FANCF: variants seen among roughly 807,000 people sequenced by gnomAD.
FANCF encodes FA complementation group F, also known as Fanconi anemia group F protein.
For missense variants in FANCF, 552 were observed against 481.8 expected, an observed-to-expected ratio of 1.15 and a Z score of -1.36; for synonymous variants, 257 against 205.9, an observed-to-expected ratio of 1.25 and a Z score of -2.13.
rs778152023 is a variant in FANCF, at chr11:22,625,623, T to C, written c.188A>G (p.His63Arg). 3 of 1,613,534 alleles carry C rather than the reference T, an allele frequency of 1.9e-6. No individual in the cohort carries two copies. In the African/African-American group the frequency reaches 4.0e-5, roughly 21 times the overall value. The change falls in exon 1 of 1, where the codon CAC (histidine) becomes CGC (arginine). Residue 63 changes from histidine (H) to arginine (R), a missense_variant. Physicochemically the swap from His to Arg is conservative, Grantham distance 29. Transcript: ENST00000327470. ...GCCGCCCTCTTGCCTCCACTGGTTG[T>C]GCAGCCGCCGCTCCAGAGCCGTGCG... ...PIRTALERRL[H>R]NQWRQEGGFG... is the part of the protein sequence containing the mutation.
chr11:22,625,815 TGC>T lies in FANCF; in HGVS notation c.-7_-6del. On this transcript the variant is annotated 5_prime_UTR_variant, in exon 1 of 1. Transcript: ENST00000327470. ...GTGCTGCAGAAGGGATTCCATGAGG[TGC>T]GCGAAGGCCCTACTTCCGCTTTCAC... The T allele has an allele frequency of 1.2e-6, 2 of 1,613,870 alleles. No homozygotes were observed. The highest frequency in any genetic ancestry group is 1.7e-6 in the Non-Finnish European group (2 of 1,180,006).
Position 22,623,973 on chromosome 11 carries a change from AGAGCGAGAC to A in FANCF, c.*704_*712del. 4.6e-6 allele frequency: 1 copy of A among 217,612 alleles called. No homozygotes were observed. The highest frequency in any genetic ancestry group is 6.8e-5 in the East Asian group (1 of 14,756). 13.5% of individuals were successfully genotyped at this position (217,612 alleles called of 1,614,324 possible). On this transcript the variant is annotated 3_prime_UTR_variant, in exon 1 of 1. Coordinates refer to ENST00000327470, the MANE Select transcript of FANCF (RefSeq NM_022725.4). ...ACCACTGCACTCCAGTCTGGGTGAC[AGAGCGAGAC>A]TCCATCTCAAAAAAAAAAAAGTTTG...
Position 22,624,404 on chromosome 11 carries a change from C to A in FANCF, c.*282G>T, listed in dbSNP as rs1361588988. ...AGCTGCTTTTTCTTTAAACGGTACA[C>A]ATATTTTCAACATTCTTACAAATGG... On this transcript the variant is annotated 3_prime_UTR_variant, in exon 1 of 1. Coordinates refer to ENST00000327470, the MANE Select transcript of FANCF (RefSeq NM_022725.4). 5 of 479,690 alleles carry A rather than the reference C, an allele frequency of 1.0e-5. No individual in the cohort carries two copies. The highest frequency in any genetic ancestry group is 1.9e-5 in the Non-Finnish European group (5 of 265,196). The allele number at this position is 479,690 out of a possible 1,614,324, so 29.7% of individuals were successfully genotyped here. A position where few individuals can be genotyped will look rare whatever the true frequency, so the allele number is the denominator to read the frequency against.
rs996927219 is a variant in FANCF at position 22,625,145 on chromosome 11, C to A, written c.666G>T (p.Leu222Phe). The A allele has an allele frequency of 3.8e-5, 61 of 1,608,232 alleles. No individual in the cohort carries two copies. Among genetic ancestry groups the A allele is most frequent in the Non-Finnish European group, 4.8e-5 (56 of 1,176,524 alleles). ...PPLSRRPQEELEPGIHKSPGE... is the reference protein window; with the variant it reads ...PPLSRRPQEEFEPGIHKSPGE... The stretch of plus-strand genomic sequence containing the variant: ...CAGGTGATTTGTGGATGCCGGGTTC[C>A]AACTCTTCTTGGGGCCGACGAGACA... The change falls in exon 1 of 1, where the codon TTG becomes TTT. Residue 222 changes from leucine to phenylalanine, a missense_variant. Coordinates refer to ENST00000327470, the MANE Select transcript of FANCF (RefSeq NM_022725.4).
Position 22,624,729 on chromosome 11 carries a change from T to C in FANCF, c.1082A>G (p.Lys361Arg), listed in dbSNP as rs2133796173. 6.2e-7 allele frequency: 1 copy of C among 1,614,188 alleles called. No homozygotes were observed. The highest frequency in any genetic ancestry group is 1.1e-5 in the South Asian group (1 of 91,080). The change falls in exon 1 of 1, where the codon AAA becomes AGA. Residue 361 changes from lysine to arginine, a missense_variant. Lys to Arg is a conservative substitution (Grantham distance 26). Transcript: ENST00000327470. ...TGCGCTGAGACCCAAAACTTGTCTT[T>C]TCCTAAATGCACCACTACGAAGAGC... ...LLALRSGAFR[K>R]RQVLGLSAGL...
chr11:22,625,346 T>G lies in FANCF; in HGVS notation c.465A>C (p.Pro155=). The G allele has an allele frequency of 6.2e-7, 1 of 1,614,174 alleles. No individual in the cohort carries two copies. Among genetic ancestry groups the G allele is most frequent in the Non-Finnish European group, 8.5e-7 (1 of 1,180,034 alleles). The part of the protein sequence containing the change: ...MLRFNGYREN[P]NLQEDSLMKT... The stretch of plus-strand genomic sequence containing the variant: ...TCATCAGAGAGTCCTCCTGGAGATT[T>G]GGGTTCTCTCTATAGCCATTGAAGC... Residue 155 remains proline (P), a synonymous_variant, in exon 1 of 1, where the codon CCA becomes CCC. Transcript: ENST00000327470.
At position 22,625,407 on chromosome 11, in the gene FANCF, C is replaced by A. The variant is rs759515146; in HGVS notation, c.404G>T (p.Arg135Leu). 42 of 1,614,056 alleles carry A rather than the reference C, an allele frequency of 2.6e-5. No individual in the cohort carries two copies. In the South Asian group the frequency reaches 4.0e-4, roughly 15 times the overall value. ...CACCGCAGACCGCCGGCGGGCAAGG[C>A]GGGCCAGGCTCTCTTGGAGTGTCTC... ...DEETLQESLA[R>L]LARRRSAVHM... is the part of the protein sequence containing the mutation. Residue 135 changes from arginine to leucine, a missense_variant, in exon 1 of 1, where the codon CGC becomes CTC. Arg to Leu is a moderately radical substitution (Grantham distance 102, BLOSUM62 -2). Coordinates refer to ENST00000327470, the MANE Select transcript of FANCF (RefSeq NM_022725.4).
At position 22,623,111 on chromosome 11, in the gene FANCF, C is replaced by A. The variant is rs1858581772; in HGVS notation, c.*1575G>T. ...TTGCATTAATGATAAATGTAATCTACAAGATGGCCTTCATGGATTAGAAAA... is the reference window on the plus strand; with the variant it reads ...TTGCATTAATGATAAATGTAATCTAAAAGATGGCCTTCATGGATTAGAAAA... On this transcript the variant is annotated 3_prime_UTR_variant, in exon 1 of 1. Coordinates refer to ENST00000327470, the MANE Select transcript of FANCF (RefSeq NM_022725.4). The A allele has an allele frequency of 4.8e-6, 1 of 209,712 alleles. No individual in the cohort carries two copies. Among genetic ancestry groups the A allele is most frequent in the Admixed American group, 5.9e-5 (1 of 16,912 alleles). The allele number at this position is 209,712 out of a possible 1,614,324, so 13.0% of individuals were successfully genotyped here.
chr11:22,625,436 A>G lies in FANCF; in HGVS notation c.375T>C (p.Asp125=), dbSNP rs1214293744. 4 of 1,613,942 alleles carry G rather than the reference A, an allele frequency of 2.5e-6. No homozygotes were observed. In the Admixed American group the frequency reaches 5.0e-5, roughly 20 times the overall value. Residue 125 remains aspartate, a synonymous_variant, in exon 1 of 1, where the codon GAT becomes GAC. Coordinates refer to ENST00000327470, the MANE Select transcript of FANCF (RefSeq NM_022725.4). ...LFPGPGVRDA[D]EETLQESLAR... ...CCAGGCTCTCTTGGAGTGTCTCCTC[A>G]TCGGCGTCCCGGACGCCCGGGCCGG...
chr11:22,625,061 G>T lies in FANCF; in HGVS notation c.750C>A (p.Ala250=), dbSNP rs966794897. Residue 250 remains alanine (A), a synonymous_variant, in exon 1 of 1, where the codon GCC becomes GCA. Transcript: ENST00000327470. ...GCCCGGCTGGGAGGGCGCGACAAAA[G>T]GCAGCAAAGACTTCCGAATTCCCCA... The part of the protein sequence containing the change: ...WLLGNSEVFA[A]FCRALPAGLL... 3 of 1,614,122 alleles carry T rather than the reference G, an allele frequency of 1.9e-6. No individual in the cohort carries two copies. Among genetic ancestry groups the T allele is most frequent in the Non-Finnish European group, 2.5e-6 (3 of 1,180,002 alleles).
At position 22,625,556 on chromosome 11, in the gene FANCF, G is replaced by C; in HGVS notation, c.255C>G (p.Ala85=). The C allele has an allele frequency of 6.2e-7, 1 of 1,614,104 alleles. No individual in the cohort carries two copies. The highest frequency in any genetic ancestry group is 2.2e-5 in the East Asian group (1 of 44,876). Residue 85 remains alanine, a synonymous_variant, in exon 1 of 1, where the codon GCC becomes GCG. Coordinates refer to ENST00000327470, the MANE Select transcript of FANCF (RefSeq NM_022725.4). ...GPVPGLANFQ[A]LGHCDVLLSL... ...AGAGCAGGACGTCACAGTGACCGAGGGCCTGGAAGTTCGCTAATCCCGGAA... is the reference window on the plus strand; with the variant it reads ...AGAGCAGGACGTCACAGTGACCGAGCGCCTGGAAGTTCGCTAATCCCGGAA...
Position 22,624,613 on chromosome 11 carries a change from T to C in FANCF, c.*73A>G, listed in dbSNP as rs1357275502. The C allele has an allele frequency of 1.5e-6, 2 of 1,317,920 alleles. No individual in the cohort carries two copies. The highest frequency in any genetic ancestry group is 2.3e-5 in the East Asian group (1 of 42,928). 81.6% of individuals were successfully genotyped at this position (1,317,920 alleles called of 1,614,324 possible). A position where few individuals can be genotyped will look rare whatever the true frequency, so the allele number is the denominator to read the frequency against. ...TATACTTTGGACACACGAAGGCATA[T>C]ATTTGGTGAGAACATTGTAATTTTC... On this transcript the variant is annotated 3_prime_UTR_variant, in exon 1 of 1. Coordinates refer to ENST00000327470, the MANE Select transcript of FANCF (RefSeq NM_022725.4).
chr11:22,625,657 CATG>C lies in FANCF; in HGVS notation c.151_153del (p.His51del), dbSNP rs1565055641. The C allele has an allele frequency of 1.2e-6, 2 of 1,613,966 alleles. No individual in the cohort carries two copies. Among genetic ancestry groups the C allele is most frequent in the South Asian group, 2.2e-5 (2 of 91,088 alleles). On this transcript the variant is annotated inframe_deletion, in exon 1 of 1. Coordinates refer to ENST00000327470, the MANE Select transcript of FANCF (RefSeq NM_022725.4). ...CGCTCCAGAGCCGTGCGAATGGGGCCATGCCGACCAAAGCGCCGATGGATGTGG... is the reference window on the plus strand; with the variant it reads ...CGCTCCAGAGCCGTGCGAATGGGGCCCCGACCAAAGCGCCGATGGATGTGG...
At position 22,622,715 on chromosome 11, in the gene FANCF, T is replaced by A. The variant is rs2133794605; in HGVS notation, c.*1971A>T. On this transcript the variant is annotated 3_prime_UTR_variant, in exon 1 of 1. Transcript: ENST00000327470. The stretch of plus-strand genomic sequence containing the variant: ...TAAATGACAGATACGGCTTCCACTT[T>A]CATGTTGCTTTTGTTTATACCCTTG... The A allele has an allele frequency of 5.2e-6, 1 of 192,456 alleles. No homozygotes were observed. Among genetic ancestry groups the A allele is most frequent in the South Asian group, 1.9e-4 (1 of 5,170 alleles). 11.9% of individuals were successfully genotyped at this position (192,456 alleles called of 1,614,324 possible). A position where few individuals can be genotyped will look rare whatever the true frequency, so the allele number is the denominator to read the frequency against.
At position 22,625,802 on chromosome 11, in the gene FANCF, G is replaced by T. The variant is rs1404225853; in HGVS notation, c.9C>A (p.Ser3=). 1.2e-6 allele frequency: 2 copies of T among 1,613,948 alleles called. No individual in the cohort carries two copies. Among genetic ancestry groups the T allele is most frequent in the East Asian group, 4.5e-5 (2 of 44,886 alleles). Residue 3 remains serine, a synonymous_variant, in exon 1 of 1, where the codon TCC becomes TCA. Coordinates refer to ENST00000327470, the MANE Select transcript of FANCF (RefSeq NM_022725.4). ME[S]LLQHLDRFSE... Reference sequence around the variant, plus strand: ...AAAAGCGATCCAGGTGCTGCAGAAGGGATTCCATGAGGTGCGCGAAGGCCC... The same window carrying T: ...AAAAGCGATCCAGGTGCTGCAGAAGTGATTCCATGAGGTGCGCGAAGGCCC...
chr11:22,625,605 T>A lies in FANCF; in HGVS notation c.206A>T (p.Glu69Val). The A allele has an allele frequency of 3.7e-6, 6 of 1,613,786 alleles. No individual in the cohort carries two copies. Among genetic ancestry groups the A allele is most frequent in the Middle Eastern group, 1.6e-4 (1 of 6,062 alleles). Reference protein sequence around the residue: ...ERRLHNQWRQEGGFGRGPVPG... With the variant: ...ERRLHNQWRQVGGFGRGPVPG... ...AACTGGACCCCGCCCAAAGCCGCCC[T>A]CTTGCCTCCACTGGTTGTGCAGCCG... Residue 69 changes from glutamate to valine, a missense_variant, in exon 1 of 1, where the codon GAG (glutamate) becomes GTG (valine). Transcript: ENST00000327470.
At position 22,625,484 on chromosome 11, in the gene FANCF, G is replaced by A. The variant is rs104894222; in HGVS notation, c.327C>T (p.Tyr109=). 4 of 1,614,122 alleles carry A rather than the reference G, an allele frequency of 2.5e-6. No individual in the cohort carries two copies. Among genetic ancestry groups the A allele is most frequent in the South Asian group, 1.1e-5 (1 of 91,094 alleles). ...ENRALGDAAR[Y]HLVQQLFPGP... is the part of the protein sequence containing the mutation. Reference sequence around the variant, plus strand: ...CGGGAAAGAGTTGCTGCACCAGGTGGTAACGAGCTGCATCCCCGAGGGCCC... The same window carrying A: ...CGGGAAAGAGTTGCTGCACCAGGTGATAACGAGCTGCATCCCCGAGGGCCC... The change falls in exon 1 of 1, where the codon TAC becomes TAT. Residue 109 remains tyrosine, a synonymous_variant. Transcript: ENST00000327470.
chr11:22,625,557 G>A lies in FANCF; in HGVS notation c.254C>T (p.Ala85Val), dbSNP rs1488481625. 2 of 1,613,952 alleles carry A rather than the reference G, an allele frequency of 1.2e-6. No homozygotes were observed. The highest frequency in any genetic ancestry group is 2.7e-5 in the African/African-American group (2 of 74,938). The change falls in exon 1 of 1, where the codon GCC (alanine) becomes GTC (valine). Residue 85 changes from alanine (A) to valine (V), a missense_variant. Ala to Val is a moderately conservative substitution (Grantham distance 64). Transcript: ENST00000327470. ...GAGCAGGACGTCACAGTGACCGAGG[G>A]CCTGGAAGTTCGCTAATCCCGGAAC... Reference protein sequence around the residue: ...GPVPGLANFQALGHCDVLLSL... With the variant: ...GPVPGLANFQVLGHCDVLLSL...
chr11:22,625,243 T>C lies in FANCF; in HGVS notation c.568A>G (p.Ser190Gly). 1 of 1,614,176 alleles carries C rather than the reference T, an allele frequency of 6.2e-7. No homozygotes were observed. The highest frequency in any genetic ancestry group is 8.5e-7 in the Non-Finnish European group (1 of 1,180,048). ...TGAGGCAAGCGCTCCCACAGGCTGC[T>C]GAGAAACCTGGCGGGACGCTCCGCT... ...AEAERPARFL[S>G]SLWERLPQNN... Residue 190 changes from serine (S) to glycine (G), a missense_variant, in exon 1 of 1, where the codon AGC becomes GGC. By Grantham distance (56) the Ser-to-Gly change is moderately conservative (BLOSUM62 0). Coordinates refer to ENST00000327470, the MANE Select transcript of FANCF (RefSeq NM_022725.4).
Sources: gnomAD v4.1 joint callset for allele counts on GRCh38, gnomAD v4.1.1 for gene constraint, MANE v1.5 for transcripts, NCBI Gene and HGNC (gene_info 2026-07-23, HGNC 2026-07-21) for gene names.